Variants in ROBO1 observed in about 807,000 individuals in gnomAD.
ROBO1 encodes the protein roundabout guidance receptor 1, also known as roundabout homolog 1.
Under a neutral mutation model 195.9 loss-of-function variants are expected in ROBO1, and 149 were observed. That is an observed-to-expected ratio of 0.76 (90% CI 0.67 to 0.87). The LOEUF (loss-of-function observed/expected upper bound fraction) is 0.87, where lower values mean the gene tolerates loss of function less well. Ranked by LOEUF, ROBO1 falls within the 40% of genes least tolerant of loss-of-function variation. The pLI, the probability that ROBO1 is intolerant of heterozygous loss-of-function variation, is 0.00. For missense variants in ROBO1, 1,933 were observed against 2,068.3 expected, an observed-to-expected ratio of 0.93 and a Z score of 1.27; for synonymous variants, 816 against 733.2, an observed-to-expected ratio of 1.11 and a Z score of -1.82.
intron 10 of ROBO1, among the ~76,000 whole-genome samples, chr3:78,675,378 G>T (rs1006728250): frequency 6.6e-5 from 10 of 152,152 alleles, no homozygotes; most frequent in Admixed American, 5.9e-4. Flanking sequence ...GCCTCACTCG[G>T]GAAGCGCAAG....
At chr3:79,179,460 C>T (rs905310421) in intron 2 of ROBO1, among the ~76,000 whole-genome samples, 2 of 152,134 alleles carry the variant, frequency 1.3e-5, no homozygotes, top group African/African-American at 2.4e-5. Context: ...GAATAACTTG[C>T]TAAATATCTT....
At chr3:79,246,407 G>A (rs1431429320) in intron 2 of ROBO1, among the ~76,000 whole-genome samples, 1 of 152,074 alleles carries the variant, frequency 6.6e-6, no homozygotes, top group Non-Finnish European at 1.5e-5. Context: ...AATAACAACA[G>A]AAATAGGCTT....
chr3:79,741,365 C>CTA (rs1457849092), intron 1 of ROBO1, among the ~76,000 whole-genome samples: 1 of 151,972 alleles, frequency 6.6e-6, no homozygotes, highest in Non-Finnish European at 1.5e-5. Context: ...CTATTTCAGT[C>CTA]TATATATATC....
At chr3:79,264,047 T>G (rs1462146037) in intron 2 of ROBO1, among the ~76,000 whole-genome samples, 1 of 152,080 alleles carries the variant, frequency 6.6e-6, no homozygotes, top group Non-Finnish European at 1.5e-5. Context: ...TTAACCGGTG[T>G]GTAAGCTTTC....
rs71127377 is a variant in ROBO1, at chr3:79,182,542, G to GGTGTGTGTGT, written c.89-57013_89-57004dup. 7.7e-3 allele frequency among the ~76,000 whole-genome samples: 1,139 copies of GGTGTGTGTGT among 148,526 alleles called. 11 individuals carry two copies. The highest frequency in any genetic ancestry group is 0.014 in the African/African-American group (547 of 40,392). ...CTGCCTTCATCAGCACTGGGGCACA[G>GGTGTGTGTGT]GTGTGTGTGTGTGTGTGTGTGTGTG... is the stretch of plus-strand genomic sequence containing the variant. On this transcript the variant is annotated intron_variant, in intron 2 of 30. Coordinates refer to ENST00000464233, the MANE Select transcript of ROBO1 (RefSeq NM_002941.4).
At chr3:79,221,636 A>G (rs2082140937) in intron 2 of ROBO1, among the ~76,000 whole-genome samples, 1 of 152,124 alleles carries the variant, frequency 6.6e-6, no homozygotes, top group African/African-American at 2.4e-5. Context: ...AATAAAAATG[A>G]ATAATGTGCC....
intron 2 of ROBO1, among the ~76,000 whole-genome samples, chr3:79,452,755 A>G (rs1469526407): frequency 6.6e-6 from 1 of 152,034 alleles, no homozygotes; most frequent in Non-Finnish European, 1.5e-5. Context: ...TATATATGAT[A>G]TTAATATGTA....
intron 2 of ROBO1, among the ~76,000 whole-genome samples, chr3:79,293,293 G>C (rs1041371344): frequency 2.2e-4 from 34 of 151,974 alleles, no homozygotes; most frequent in Non-Finnish European, 3.7e-4. Context: ...AGTCTTGCTA[G>C]TGGTCTATAT....
intron 4 of ROBO1, among the ~76,000 whole-genome samples, chr3:78,797,503 G>A (rs2084220407): frequency 6.6e-6 from 1 of 152,088 alleles, no homozygotes; most frequent in Admixed American, 6.6e-5. Flanking sequence ...CTGTACCTTA[G>A]CTAGCCATCT....
intron 5 of ROBO1, among the ~76,000 whole-genome samples, chr3:78,720,635 A>G (rs1366792656): frequency 1.3e-5 from 2 of 152,248 alleles, no homozygotes; most frequent in Non-Finnish European, 1.5e-5. Context: ...CCATAAAGGC[A>G]CATGCACACG....
chr3:78,900,609 A>G (rs1217824979), intron 4 of ROBO1, among the ~76,000 whole-genome samples: 1 of 152,152 alleles, frequency 6.6e-6, no homozygotes, highest in Non-Finnish European at 1.5e-5. Flanking sequence ...ATGATGAAAA[A>G]CATTCCATTC....
At chr3:79,214,001 T>C (rs1182895690) in intron 2 of ROBO1, among the ~76,000 whole-genome samples, 1 of 151,854 alleles carries the variant, frequency 6.6e-6, no homozygotes, top group Non-Finnish European at 1.5e-5. Context: ...AAGTTTTATA[T>C]TTTTAGTAGA....
intron 8 of ROBO1, among the ~76,000 whole-genome samples, chr3:78,713,531 C>T (rs2081819485): frequency 6.6e-6 from 1 of 151,648 alleles, no homozygotes; most frequent in Non-Finnish European, 1.5e-5. Context: ...AGGTCATTGC[C>T]TCTGAAATTC....
intron 8 of ROBO1, among the ~76,000 whole-genome samples, chr3:78,697,421 G>A (rs2081325296): frequency 6.6e-6 from 1 of 152,146 alleles, no homozygotes; most frequent in South Asian, 2.1e-4. Flanking sequence ...AAGAAAATAA[G>A]TTAGTTGAAC....
intron 2 of ROBO1, among the ~76,000 whole-genome samples, chr3:79,529,491 C>T (rs1941563824): frequency 6.6e-6 from 1 of 151,974 alleles, no homozygotes; most frequent in African/African-American, 2.4e-5. Flanking sequence ...AAACAAACAA[C>T]AACAATAAAA....
chr3:79,505,696 G>A (rs1220734036), intron 2 of ROBO1, among the ~76,000 whole-genome samples: 1 of 152,160 alleles, frequency 6.6e-6, no homozygotes, highest in Admixed American at 6.6e-5. Flanking sequence ...TAAAGATGAA[G>A]AGCAAACGTA....
chr3:79,395,340 A>AAAAAAAAAAAAAAAAG (rs71631648), intron 2 of ROBO1, among the ~76,000 whole-genome samples: 25 of 119,054 alleles, frequency 2.1e-4, no homozygotes, highest in Non-Finnish European at 3.2e-4. Context: ...AAAAAAAAAA[A>AAAAAAAAAAAAAAAAG]AAAGAAAGAA....
At chr3:78,808,094 A>T (rs1350257206) in intron 4 of ROBO1, among the ~76,000 whole-genome samples, 1 of 152,238 alleles carries the variant, frequency 6.6e-6, no homozygotes, top group East Asian at 1.9e-4. Flanking sequence ...ATTTGTTATA[A>T]AAAATAACTT....
Position 79,014,328 on chromosome 3 carries a change from C to T in ROBO1, c.173-75401G>A, listed in dbSNP as rs533067285. 8.5e-5 allele frequency among the ~76,000 whole-genome samples: 13 copies of T among 152,190 alleles called. No homozygotes were observed. In the South Asian group the frequency reaches 2.5e-3, roughly 29 times the overall value. On this transcript the variant is annotated intron_variant, in intron 3 of 30. Coordinates refer to ENST00000464233, the MANE Select transcript of ROBO1 (RefSeq NM_002941.4). ...CTACTACTAAAAATACAAAAACTAGCCTGGCATGGTGGTGGGCATCTGCAA... is the reference window on the plus strand; with the variant it reads ...CTACTACTAAAAATACAAAAACTAGTCTGGCATGGTGGTGGGCATCTGCAA...
Sources: allele counts gnomAD v4.1 joint callset (sites outside exome capture counted in the v4.1 genomes callset), GRCh38; gene constraint gnomAD v4.1.1; transcripts MANE v1.5; gene names NCBI Gene and HGNC (gene_info 2026-07-23, HGNC 2026-07-21).